ALDH1L1: variants seen among roughly 807,000 people sequenced by gnomAD.
The protein encoded by ALDH1L1 is aldehyde dehydrogenase 1 family member L1.
A neutral mutation model predicts 101.1 loss-of-function variants in ALDH1L1; 68 were observed. That is an observed-to-expected ratio of 0.67 (90% CI 0.55 to 0.82). ALDH1L1 has a LOEUF of 0.82. ALDH1L1 is among the 40% of genes least tolerant of loss of function. The pLI, the probability that ALDH1L1 is intolerant of heterozygous loss-of-function variation, is 0.00. For missense variants in ALDH1L1, 1,087 were observed against 1,172.7 expected (o/e 0.93, Z 1.07); for synonymous variants, 486 against 470.8 (o/e 1.03, Z -0.42).
At chr3:126,134,822 A>C (rs533066280) in intron 12 of ALDH1L1, among the ~76,000 whole-genome samples, 1 of 152,118 alleles carries the variant, frequency 6.6e-6, no homozygotes, top group Non-Finnish European at 1.5e-5. Flanking sequence ...CCAGGCCCCA[A>C]GACACCTGTG....
chr3:126,157,050 C>T (rs2080924315), intron 4 of ALDH1L1, among the ~76,000 whole-genome samples: 1 of 152,138 alleles, frequency 6.6e-6, no homozygotes. Context: ...CAGGGTGTGA[C>T]CCAGTCCCTG....
chr3:126,173,869 A>C, intron 1 of ALDH1L1, among the ~76,000 whole-genome samples: 1 of 152,246 alleles, frequency 6.6e-6, no homozygotes, highest in East Asian at 1.9e-4. Flanking sequence ...GAAGCACTAC[A>C]TAATGGTAAA....
rs572773874 is a variant in ALDH1L1 at position 126,191,457 on chromosome 3, G to C, written c.-24+6278C>G. The stretch of plus-strand genomic sequence containing the variant: ...TGTTCATGAATGAACAAGGTGAAAA[G>C]TTTAGTGCAATTTGGAAGTCCTAAG... On this transcript the variant is annotated intron_variant, in intron 1 of 2. Transcript: ENST00000509952. Among the ~76,000 whole-genome samples, 4 of 152,322 alleles carry C rather than the reference G, an allele frequency of 2.6e-5. No homozygotes were observed. The South Asian group carries it at 8.3e-4, about 32-fold the overall frequency.
At position 126,146,924 on chromosome 3, in the gene ALDH1L1, A is replaced by G. The variant is rs150751856; in HGVS notation, c.987T>C (p.Ser329=). ...AELVTAEAVR[S]VWQRILPKVL... ...CTTTGGGGAGGATCCGCTGCCAAAC[A>G]CTCTGCAAAGCAAGACCTGATGAGA... The change falls in exon 9 of 23, where the codon AGT becomes AGC. Residue 329 remains serine (S), a splice_region_variant and synonymous_variant. Coordinates refer to ENST00000393434, the MANE Select transcript of ALDH1L1 (RefSeq NM_012190.4). 2 of 1,613,108 alleles carry G rather than the reference A, an allele frequency of 1.2e-6. No homozygotes were observed. Among genetic ancestry groups the G allele is most frequent in the African/African-American group, 2.7e-5 (2 of 74,850 alleles).
chr3:126,147,590 C>T (rs886895119), intron 8 of ALDH1L1, among the ~76,000 whole-genome samples: 1 of 152,216 alleles, frequency 6.6e-6, no homozygotes, highest in Non-Finnish European at 1.5e-5. Context: ...GGGATGACTG[C>T]TCTCTGGGCA....
In ALDH1L1 at chr3:126,107,009, G is replaced by A. The variant is rs889869661; in HGVS notation, c.2453+132C>T. ...AGACTCAGCAGGCGGCACAAGCGGG[G>A]TGTCCACGGCTTGCGCCCTGCCTGA... is the stretch of plus-strand genomic sequence containing the variant. On this transcript the variant is annotated intron_variant, in intron 21 of 22. Transcript: ENST00000393434. 5 of 775,002 alleles carry A rather than the reference G, an allele frequency of 6.5e-6. No homozygotes were observed. In the African/African-American group the frequency reaches 6.9e-5, roughly 11 times the overall value. The allele number at this position is 775,002 out of a possible 1,614,324, so 48.0% of individuals were successfully genotyped here.
intron 1 of ALDH1L1, among the ~76,000 whole-genome samples, chr3:126,187,287 A>G (rs1332523946): frequency 6.6e-6 from 1 of 151,802 alleles, no homozygotes; most frequent in African/African-American, 2.4e-5. Context: ...GTCCAAAAGC[A>G]GATTCCGAGG....
intron 1 of ALDH1L1, among the ~76,000 whole-genome samples, chr3:126,167,786 G>A (rs1276955751): frequency 6.6e-6 from 1 of 152,060 alleles, no homozygotes; most frequent in Non-Finnish European, 1.5e-5. Context: ...CACCTGTTCA[G>A]TAGTTACTTA....
intron 15 of ALDH1L1, among the ~76,000 whole-genome samples, chr3:126,124,760 T>C (rs1449959674): frequency 1.3e-5 from 2 of 152,210 alleles, no homozygotes; most frequent in Non-Finnish European, 2.9e-5. Flanking sequence ...AGCCAGAGGT[T>C]AAGGTCTCCT....
Position 126,118,114 on chromosome 3 carries a change from A to AG in ALDH1L1, c.1889-17dup, listed in dbSNP as rs1559922999. On this transcript the variant is annotated splice_polypyrimidine_tract_variant and intron_variant, in intron 16 of 22. Coordinates refer to ENST00000393434, the MANE Select transcript of ALDH1L1 (RefSeq NM_012190.4). Reference sequence around the variant, plus strand: ...ACCAGGGAGCCTGTGGGCGGGAGGGAGGGGGGAATCAGAGTGGTCCCCCTG... The same window carrying AG: ...ACCAGGGAGCCTGTGGGCGGGAGGGAGGGGGGGAATCAGAGTGGTCCCCCTG... The AG allele has an allele frequency of 8.6e-7, 1 of 1,158,464 alleles. No homozygotes were observed. The highest frequency in any genetic ancestry group is 1.3e-6 in the Non-Finnish European group (1 of 787,572). The allele number at this position is 1,158,464 out of a possible 1,614,324, so 71.8% of individuals were successfully genotyped here.
rs777623238 is a variant in ALDH1L1, at chr3:126,161,017, AG to A, written c.-23-16del. 6 of 1,613,442 alleles carry A rather than the reference AG, an allele frequency of 3.7e-6. No individual in the cohort carries two copies. In the African/African-American group the frequency reaches 8.0e-5, roughly 22 times the overall value. On this transcript the variant is annotated splice_polypyrimidine_tract_variant and intron_variant, in intron 1 of 22. Transcript: ENST00000393434. Reference sequence around the variant, plus strand: ...GTTGGAAGGACCTGGAGAAGGAATAAGGCAGCAATTAGACAGAGATCGCTGG... The same window carrying A: ...GTTGGAAGGACCTGGAGAAGGAATAAGCAGCAATTAGACAGAGATCGCTGG...
intron 1 of ALDH1L1, among the ~76,000 whole-genome samples, chr3:126,173,975 G>T (rs568237838): frequency 1.3e-5 from 2 of 152,320 alleles, no homozygotes; most frequent in South Asian, 4.1e-4. Context: ...AGAATTTTAA[G>T]GAGAAATAGA....
At chr3:126,189,138 A>G (rs9813319) in intron 1 of ALDH1L1, among the ~76,000 whole-genome samples, 94,679 of 152,044 alleles carry the variant, frequency 0.62, 29,550 homozygotes, top group Middle Eastern at 0.67. Flanking sequence ...TAAATAGGCA[A>G]TTGCATTAGG....
chr3:126,137,795 G>A lies in ALDH1L1; in HGVS notation c.1224+18C>T. On this transcript the variant is annotated intron_variant, in intron 10 of 22. Transcript: ENST00000393434. ...GAGGGCTCTGCAGGGCCTGCTGCAG[G>A]GAGGGCCCAGCACTCACGTAGTCAA... 6.2e-7 allele frequency: 1 copy of A among 1,611,376 alleles called. No individual in the cohort carries two copies. The highest frequency in any genetic ancestry group is 8.5e-7 in the Non-Finnish European group (1 of 1,178,894).
intron 1 of ALDH1L1, among the ~76,000 whole-genome samples, 155 bp from the exon 2 acceptor site, chr3:126,161,157 C>T (rs2081042499): frequency 6.6e-6 from 1 of 152,238 alleles, no homozygotes; most frequent in Admixed American, 6.5e-5. Context: ...GAGACTGCCA[C>T]TGTAAGAGAG....
chr3:126,129,983 G>T, intron 14 of ALDH1L1: 2 of 356,356 alleles, frequency 5.6e-6, no homozygotes, highest in South Asian at 9.6e-5. Flanking sequence ...ACATTTTTTG[G>T]GTTTACTCTT....
intron 1 of ALDH1L1, among the ~76,000 whole-genome samples, chr3:126,174,249 C>G (rs1202785930): frequency 6.6e-6 from 1 of 152,184 alleles, no homozygotes; most frequent in Admixed American, 6.5e-5. Context: ...AGGCTGGTCT[C>G]GCACTCCTGA....
chr3:126,118,812 C>A (rs1287420418), intron 16 of ALDH1L1, among the ~76,000 whole-genome samples: 1 of 152,240 alleles, frequency 6.6e-6, no homozygotes, highest in Middle Eastern at 3.4e-3. Flanking sequence ...AGAGGCCTTG[C>A]CACCTGCTGT....
At chr3:126,150,088 A>C (rs1290873171) in intron 8 of ALDH1L1, among the ~76,000 whole-genome samples, 2 of 152,180 alleles carry the variant, frequency 1.3e-5, no homozygotes, top group African/African-American at 4.8e-5. Context: ...CTCACATTCT[A>C]ATCACAGGGA....
Sources: gnomAD v4.1 joint callset for allele counts (sites outside exome capture counted in the v4.1 genomes callset) on GRCh38, gnomAD v4.1.1 for gene constraint, MANE v1.5 for transcripts, NCBI Gene and HGNC (gene_info 2026-07-23, HGNC 2026-07-21) for gene names.